PDE4D: variants seen among roughly 807,000 people sequenced by gnomAD.
PDE4D encodes phosphodiesterase 4D, also known as 3',5'-cyclic-AMP phosphodiesterase 4D.
In PDE4D, 24 loss-of-function variants were observed where a neutral mutation model predicts 87.4. The observed-to-expected ratio is 0.27, with a 90% confidence interval of 0.20 to 0.39. PDE4D has a LOEUF of 0.39. Ranked by LOEUF, PDE4D falls within the 10% of genes least tolerant of loss-of-function variation. The pLI, the probability that PDE4D is intolerant of heterozygous loss-of-function variation, is 1.00. For missense variants in PDE4D, 714 were observed against 1,041.0 expected, an observed-to-expected ratio of 0.69 and a Z score of 4.32; for synonymous variants, 384 against 383.2, an observed-to-expected ratio of 1.00 and a Z score of -0.02.
intron 1 of PDE4D, among the ~76,000 whole-genome samples, chr5:59,865,261 T>C (rs1403585940): frequency 1.3e-5 from 2 of 152,182 alleles, no homozygotes; most frequent in Non-Finnish European, 2.9e-5. Context: ...GGAAGATGAA[T>C]TTAACTGGAA....
intron 1 of PDE4D, among the ~76,000 whole-genome samples, chr5:59,445,071 T>G (rs1259099928): frequency 1.3e-5 from 2 of 152,204 alleles, no homozygotes; most frequent in Non-Finnish European, 2.9e-5. Context: ...TTTTAGAGAA[T>G]GTCCTGTCCT....
At chr5:58,978,384 C>T (rs2153311596) in intron 11 of PDE4D, among the ~76,000 whole-genome samples, 1 of 151,694 alleles carries the variant, frequency 6.6e-6, no homozygotes, top group South Asian at 2.1e-4. Context: ...CCACTGCACT[C>T]CAAACTAGGC....
chr5:60,018,033 T>G (rs1192832887), intron 2 of PDE4D, among the ~76,000 whole-genome samples: 2 of 152,122 alleles, frequency 1.3e-5, no homozygotes, highest in Non-Finnish European at 1.5e-5. Flanking sequence ...TGATTTGCAT[T>G]TCTGTAATGA....
At chr5:60,162,888 A>C (rs1201728881) in intron 2 of PDE4D, among the ~76,000 whole-genome samples, 2 of 152,110 alleles carry the variant, frequency 1.3e-5, no homozygotes, top group African/African-American at 4.8e-5. Flanking sequence ...GAACTCCTTA[A>C]ATTAATGAGA....
At chr5:59,563,251 G>C (rs180673193) in intron 1 of PDE4D, among the ~76,000 whole-genome samples, 3 of 152,302 alleles carry the variant, frequency 2.0e-5, no homozygotes. Context: ...TGTGACCGCA[G>C]AGGAATTTCA....
At chr5:59,217,502 A>G (rs1426188098) in intron 1 of PDE4D, among the ~76,000 whole-genome samples, 1 of 152,214 alleles carries the variant, frequency 6.6e-6, no homozygotes, top group Non-Finnish European at 1.5e-5. Flanking sequence ...AGAAGAGGGA[A>G]AACTCATTAT....
At chr5:60,459,860 C>A in intron 1 of PDE4D, 2 of 611,584 alleles carry the variant, frequency 3.3e-6, no homozygotes, top group South Asian at 2.1e-5. Flanking sequence ...TAATCTTTTC[C>A]TTCATCCTTC....
At chr5:59,078,565 G>C (rs2153422164) in intron 5 of PDE4D, among the ~76,000 whole-genome samples, 1 of 150,336 alleles carries the variant, frequency 6.7e-6, no homozygotes, top group East Asian at 2.0e-4. Context: ...TTAGAGTGCA[G>C]TGGCATGATC....
At chr5:60,268,074 TAG>T (rs1194664226) in intron 1 of PDE4D, among the ~76,000 whole-genome samples, 1 of 152,032 alleles carries the variant, frequency 6.6e-6, no homozygotes, top group Non-Finnish European at 1.5e-5. Context: ...AGGCACCAGG[TAG>T]AGAGAACCGC....
intron 1 of PDE4D, among the ~76,000 whole-genome samples, chr5:59,892,950 A>C (rs1751176828): frequency 6.6e-6 from 1 of 150,404 alleles, no homozygotes; most frequent in Non-Finnish European, 1.5e-5. Context: ...GGCCCCAGTT[A>C]ACATTTATGC....
At chr5:60,495,332 A>C (rs571692396) in intron 1 of PDE4D, among the ~76,000 whole-genome samples, 1 of 152,314 alleles carries the variant, frequency 6.6e-6, no homozygotes, top group East Asian at 1.9e-4. Flanking sequence ...GTGGCTCTCG[A>C]ATGTCATGTG....
chr5:60,151,850 T>C (rs1263681418), intron 2 of PDE4D, among the ~76,000 whole-genome samples: 2 of 152,232 alleles, frequency 1.3e-5, no homozygotes, highest in Non-Finnish European at 2.9e-5. Context: ...CAGCTTTTCA[T>C]CACTGAGTAT....
chr5:59,215,994 G>A lies in PDE4D; in HGVS notation c.456-26C>T. On this transcript the variant is annotated intron_variant, in intron 1 of 14. Coordinates refer to ENST00000340635, the MANE Select transcript of PDE4D (RefSeq NM_001104631.2). The stretch of plus-strand genomic sequence containing the variant: ...CTGTAAAGGAAGGAGAAGGAATTAT[G>A]TTGCTGTGAACATTCACATGTTCAT... 3 of 1,548,542 alleles carry A rather than the reference G, an allele frequency of 1.9e-6. No individual in the cohort carries two copies. The South Asian group carries it at 3.4e-5, about 18-fold the overall frequency.
At chr5:59,283,830 A>T (rs548217587) in intron 1 of PDE4D, among the ~76,000 whole-genome samples, 2 of 152,298 alleles carry the variant, frequency 1.3e-5, no homozygotes, top group Admixed American at 1.3e-4. Flanking sequence ...TTATTATTTT[A>T]TAACACATTT....
At chr5:59,619,109 G>A (rs1830052015) in intron 1 of PDE4D, among the ~76,000 whole-genome samples, 1 of 152,094 alleles carries the variant, frequency 6.6e-6, no homozygotes, top group South Asian at 2.1e-4. Flanking sequence ...GATATGACTT[G>A]ACAATTGATT....
intron 5 of PDE4D, among the ~76,000 whole-genome samples, chr5:59,144,890 T>TGGCG (rs3061420): frequency 1.8e-4 from 8 of 43,814 alleles, no homozygotes; most frequent in East Asian, 1.1e-3. Context: ...TAGGGTTTAA[T>TGGCG]GGGGGGGGGG....
intron 1 of PDE4D, among the ~76,000 whole-genome samples, chr5:59,628,718 C>A (rs1170109965): frequency 2.6e-5 from 4 of 152,022 alleles, no homozygotes; most frequent in Admixed American, 6.6e-5. Flanking sequence ...ATAAATGATT[C>A]TATGATTTAC....
At chr5:59,235,994 T>C (rs1214297555) in intron 1 of PDE4D, among the ~76,000 whole-genome samples, 1 of 152,144 alleles carries the variant, frequency 6.6e-6, no homozygotes, top group Admixed American at 6.5e-5. Flanking sequence ...AATATGAATG[T>C]ATTTCTTTTG....
chr5:59,887,642 A>G (rs1039909140), intron 1 of PDE4D, among the ~76,000 whole-genome samples: 1 of 152,124 alleles, frequency 6.6e-6, no homozygotes, highest in Non-Finnish European at 1.5e-5. Flanking sequence ...ATTCTATTTG[A>G]TCTTTAAGAA....
Sources: gnomAD v4.1 joint callset for allele counts (sites outside exome capture counted in the v4.1 genomes callset) on GRCh38, gnomAD v4.1.1 for gene constraint, MANE v1.5 for transcripts, NCBI Gene and HGNC (gene_info 2026-07-23, HGNC 2026-07-21) for gene names.